Variants in JAZF1 observed in about 807,000 individuals in gnomAD.
JAZF1 encodes the protein juxtaposed with another zinc finger protein 1.
In JAZF1, 8 loss-of-function variants were observed where a neutral mutation model predicts 26.4. The ratio of observed to expected loss-of-function variants is 0.30; its 90% CI spans 0.18 to 0.55. The LOEUF (loss-of-function observed/expected upper bound fraction) is 0.55, where lower values mean the gene tolerates loss of function less well. Among genes scored for constraint, JAZF1 ranks in the 20% least tolerant of loss-of-function variants. The pLI, the probability that JAZF1 is intolerant of heterozygous loss-of-function variation, is 0.94. For missense variants in JAZF1, 199 were observed against 322.0 expected (o/e 0.62, Z 2.92); for synonymous variants, 126 against 122.3 (o/e 1.03, Z -0.20).
At chr7:27,852,608 A>G (rs1783171423) in intron 3 of JAZF1, among the ~76,000 whole-genome samples, 1 of 151,636 alleles carries the variant, frequency 6.6e-6, no homozygotes, top group Non-Finnish European at 1.5e-5. Context: ...AGTCTTTCCT[A>G]CTCTTGCCCC....
intron 1 of JAZF1, among the ~76,000 whole-genome samples, chr7:28,137,317 G>A (rs1013476656): frequency 2.6e-5 from 4 of 152,160 alleles, no homozygotes; most frequent in Non-Finnish European, 5.9e-5. Flanking sequence ...AAAGTAAGGG[G>A]CAGGGGTGGA....
chr7:27,920,916 C>A (rs1195921824), intron 2 of JAZF1, among the ~76,000 whole-genome samples: 1 of 152,068 alleles, frequency 6.6e-6, no homozygotes, highest in African/African-American at 2.4e-5. Context: ...CTCACCTGCC[C>A]GTTTTAAATT....
At chr7:28,004,827 A>T (rs1782671109) in intron 1 of JAZF1, among the ~76,000 whole-genome samples, 1 of 151,898 alleles carries the variant, frequency 6.6e-6, no homozygotes, top group South Asian at 2.1e-4. Flanking sequence ...TAATTTTTGT[A>T]TTTTTAGTAG....
intron 1 of JAZF1, among the ~76,000 whole-genome samples, chr7:28,159,060 G>C (rs1783236994): frequency 6.6e-6 from 1 of 152,034 alleles, no homozygotes; most frequent in Non-Finnish European, 1.5e-5. Context: ...GAGAGACGCT[G>C]AACAAACAAA....
rs1472610979 is a variant in JAZF1, at chr7:28,025,439, G to A, written c.116-33458C>T. ...TTGTCCTCACAAAACATGAAAACACGGGAAAAGGTAAATAGACTTGCTTTG... is the reference window on the plus strand; with the variant it reads ...TTGTCCTCACAAAACATGAAAACACAGGAAAAGGTAAATAGACTTGCTTTG... On this transcript the variant is annotated intron_variant, in intron 1 of 4. Transcript: ENST00000283928. Among the ~76,000 whole-genome samples, 5 of 152,206 alleles carry A rather than the reference G, an allele frequency of 3.3e-5. No individual in the cohort carries two copies. In the South Asian group the frequency reaches 8.3e-4, roughly 25 times the overall value.
chr7:28,084,828 G>A (rs531431420), intron 1 of JAZF1, among the ~76,000 whole-genome samples: 4 of 152,310 alleles, frequency 2.6e-5, no homozygotes, highest in South Asian at 2.1e-4. Flanking sequence ...TCCAAAGTTC[G>A]TGTTGCAATT....
At chr7:27,958,359 G>A (rs1785134390) in intron 2 of JAZF1, among the ~76,000 whole-genome samples, 1 of 152,190 alleles carries the variant, frequency 6.6e-6, no homozygotes, top group South Asian at 2.1e-4. Context: ...AGCAAGTAGA[G>A]AGAAACCATT....
At chr7:28,081,468 G>C (rs1487224987) in intron 1 of JAZF1, among the ~76,000 whole-genome samples, 2 of 152,196 alleles carry the variant, frequency 1.3e-5, no homozygotes, top group Non-Finnish European at 2.9e-5. Context: ...CCAAAAAACA[G>C]CAAGCTGCGC....
At chr7:28,102,261 A>T (rs143133851) in intron 1 of JAZF1, among the ~76,000 whole-genome samples, 2 of 152,392 alleles carry the variant, frequency 1.3e-5, no homozygotes, top group Non-Finnish European at 2.9e-5. Context: ...AAATGTCTTT[A>T]TCTCTTAGGG....
At chr7:28,062,621 C>G (rs1388555794) in intron 1 of JAZF1, among the ~76,000 whole-genome samples, 1 of 152,022 alleles carries the variant, frequency 6.6e-6, no homozygotes, top group Admixed American at 6.6e-5. Context: ...TGCCCCAAAG[C>G]CAGCAAACTT....
intron 3 of JAZF1, among the ~76,000 whole-genome samples, chr7:27,888,274 T>C (rs529455576): frequency 1.3e-5 from 2 of 152,200 alleles, no homozygotes; most frequent in Non-Finnish European, 2.9e-5. Flanking sequence ...GAATTTCACC[T>C]TTCTCCCCTC....
At chr7:27,868,941 C>A (rs1326454497) in intron 3 of JAZF1, among the ~76,000 whole-genome samples, 1 of 152,180 alleles carries the variant, frequency 6.6e-6, no homozygotes, top group Non-Finnish European at 1.5e-5. Flanking sequence ...CGATATTTTT[C>A]TTCCCCAGAA....
intron 1 of JAZF1, among the ~76,000 whole-genome samples, chr7:28,140,331 C>T (rs1481680425): frequency 6.6e-6 from 1 of 152,150 alleles, no homozygotes; most frequent in Non-Finnish European, 1.5e-5. Flanking sequence ...GATCCACCTG[C>T]CTTGGCCTCC....
At chr7:28,104,218 C>T (rs1784517697) in intron 1 of JAZF1, among the ~76,000 whole-genome samples, 1 of 152,192 alleles carries the variant, frequency 6.6e-6, no homozygotes, top group Non-Finnish European at 1.5e-5. Flanking sequence ...GACAACCCCA[C>T]ACTCCCCCTC....
At chr7:28,146,845 G>A (rs1435745286) in intron 1 of JAZF1, among the ~76,000 whole-genome samples, 2 of 147,932 alleles carry the variant, frequency 1.4e-5, no homozygotes, top group Non-Finnish European at 3.0e-5. Flanking sequence ...TTTTTGTTTC[G>A]TTTTGGTGGT....
chr7:28,085,901 GGTCA>G (rs1784205623), intron 1 of JAZF1, among the ~76,000 whole-genome samples: 2 of 152,126 alleles, frequency 1.3e-5, no homozygotes, highest in African/African-American at 2.4e-5. Flanking sequence ...CACCTGCTGT[GGTCA>G]GTTTTTGCAC....
chr7:27,902,012 G>T (rs904422589), intron 2 of JAZF1, among the ~76,000 whole-genome samples: 5 of 152,136 alleles, frequency 3.3e-5, no homozygotes, highest in African/African-American at 1.2e-4. Context: ...GATCTCCAAA[G>T]CTCTGAAACC....
At chr7:27,996,487 T>A (rs1336508006) in intron 1 of JAZF1, among the ~76,000 whole-genome samples, 1 of 152,150 alleles carries the variant, frequency 6.6e-6, no homozygotes, top group Non-Finnish European at 1.5e-5. Flanking sequence ...GGAAGGCAAA[T>A]GCCCACCCAG....
intron 1 of JAZF1, among the ~76,000 whole-genome samples, chr7:28,044,249 C>A (rs1189266195): frequency 6.6e-6 from 1 of 152,064 alleles, no homozygotes; most frequent in African/African-American, 2.4e-5. Context: ...TCCATCTGTC[C>A]TTCCTTCCTT....
Sources: gnomAD v4.1 joint callset for allele counts (sites outside exome capture counted in the v4.1 genomes callset) on GRCh38, gnomAD v4.1.1 for gene constraint, MANE v1.5 for transcripts, NCBI Gene and HGNC (gene_info 2026-07-23, HGNC 2026-07-21) for gene names.